CYP2J2: variants seen among roughly 807,000 people sequenced by gnomAD.
CYP2J2 encodes the protein cytochrome P450 2J2.
CYP2J2 carries 41 observed loss-of-function variants against 48.8 expected under a neutral mutation model. The observed-to-expected ratio is 0.84, with a 90% confidence interval of 0.66 to 1.09. The LOEUF is 1.09. Among genes scored for constraint, CYP2J2 ranks in the 50% least tolerant of loss-of-function variants. CYP2J2 has a pLI of 0.00. For missense variants in CYP2J2, 644 were observed against 617.3 expected (o/e 1.04, Z -0.46); for synonymous variants, 221 against 227.1 (o/e 0.97, Z 0.24).
chr1:59,900,245 C>A (rs1257564032), intron 8 of CYP2J2, among the ~76,000 whole-genome samples: 2 of 152,192 alleles, frequency 1.3e-5, no homozygotes, highest in African/African-American at 2.4e-5. Context: ...TTCCCCTTGT[C>A]CCTCTCTATC....
chr1:59,951,912 C>A, the CYP2J2 span, among the ~76,000 whole-genome samples: 1 of 152,184 alleles, frequency 6.6e-6, no homozygotes, highest in African/African-American at 2.4e-5. Context: ...TTAATCAAAT[C>A]TCCTACCCCA....
intron 4 of CYP2J2, among the ~76,000 whole-genome samples, chr1:59,910,782 G>A (rs901898659): frequency 2.0e-5 from 3 of 152,050 alleles, no homozygotes; most frequent in African/African-American, 7.2e-5. Flanking sequence ...TCCCAGAAAT[G>A]TCTTCCAAAT....
At chr1:59,945,297 A>AT in the CYP2J2 span, among the ~76,000 whole-genome samples, 41 of 148,818 alleles carry the variant, frequency 2.8e-4, no homozygotes, top group Admixed American at 7.4e-4. Flanking sequence ...ATCTAACTTC[A>AT]TTTTTTTTTT....
chr1:59,945,460 ATCTG>A, the CYP2J2 span, among the ~76,000 whole-genome samples: 2 of 152,160 alleles, frequency 1.3e-5, no homozygotes, highest in African/African-American at 2.4e-5. Flanking sequence ...CTATCTATGT[ATCTG>A]TCTATCTACT....
At chr1:59,903,891 C>T (rs1470143310) in intron 7 of CYP2J2, among the ~76,000 whole-genome samples, 4 of 152,166 alleles carry the variant, frequency 2.6e-5, no homozygotes, top group Non-Finnish European at 4.4e-5. Context: ...GCCTTGACTT[C>T]GCAATCCATA....
chr1:59,906,396 G>A (rs1454636007), intron 6 of CYP2J2, among the ~76,000 whole-genome samples: 1 of 151,910 alleles, frequency 6.6e-6, no homozygotes, highest in Non-Finnish European at 1.5e-5. Context: ...TCACAACAGA[G>A]CAACAAGTTG....
the CYP2J2 span, among the ~76,000 whole-genome samples, chr1:59,959,593 T>C: frequency 6.6e-6 from 1 of 151,958 alleles, no homozygotes; most frequent in Non-Finnish European, 1.5e-5. Context: ...TATGTATGTG[T>C]ATATATGTGC....
the CYP2J2 span, among the ~76,000 whole-genome samples, chr1:59,951,084 G>T: frequency 6.6e-6 from 1 of 152,150 alleles, no homozygotes; most frequent in Non-Finnish European, 1.5e-5. Flanking sequence ...AGCATGGGAG[G>T]AATTGTGGCC....
chr1:59,893,830 C>T lies in CYP2J2; in HGVS notation c.1331-1G>A. 6.3e-7 allele frequency: 1 copy of T among 1,596,628 alleles called. No individual in the cohort carries two copies. The highest frequency in any genetic ancestry group is 8.5e-7 in the Non-Finnish European group (1 of 1,172,116). On this transcript the variant is annotated splice_acceptor_variant, in intron 8 of 8. Coordinates refer to ENST00000371204, the MANE Select transcript of CYP2J2 (RefSeq NM_000775.4). LOFTEE classifies it high-confidence loss of function. ...TGTTCTCCGAGGCATGCCCGCTTTCCTGTAAGACAAAATCAAAAGACGGGT... is the reference window on the plus strand; with the variant it reads ...TGTTCTCCGAGGCATGCCCGCTTTCTTGTAAGACAAAATCAAAAGACGGGT...
intron 7 of CYP2J2, among the ~76,000 whole-genome samples, chr1:59,902,400 A>C (rs1644327735): frequency 6.6e-6 from 1 of 152,044 alleles, no homozygotes; most frequent in Non-Finnish European, 1.5e-5. Context: ...CAAGGAATTA[A>C]TATCAATGAT....
At chr1:59,944,380 G>A in the CYP2J2 span, among the ~76,000 whole-genome samples, 25 of 152,252 alleles carry the variant, frequency 1.6e-4, no homozygotes, top group African/African-American at 5.8e-4. Flanking sequence ...GCGCCACCAC[G>A]GCTGGTTAAT....
chr1:59,903,997 G>C (rs1390069579), intron 7 of CYP2J2, among the ~76,000 whole-genome samples: 1 of 152,182 alleles, frequency 6.6e-6, no homozygotes, highest in Non-Finnish European at 1.5e-5. Context: ...CATAATCATT[G>C]CTTAATACAT....
At chr1:59,897,138 A>G (rs553082488) in intron 8 of CYP2J2, among the ~76,000 whole-genome samples, 1 of 152,298 alleles carries the variant, frequency 6.6e-6, no homozygotes, top group Non-Finnish European at 1.5e-5. Flanking sequence ...TGTCTAATTC[A>G]TCTCGGTTCC....
At chr1:59,920,206 C>T (rs1400310106) in intron 1 of CYP2J2, among the ~76,000 whole-genome samples, 1 of 150,898 alleles carries the variant, frequency 6.6e-6, no homozygotes, top group Non-Finnish European at 1.5e-5. Flanking sequence ...AACCCCCAAA[C>T]CACAATGATA....
At chr1:59,917,403 C>G (rs1005579420) in intron 1 of CYP2J2, among the ~76,000 whole-genome samples, 2 of 152,182 alleles carry the variant, frequency 1.3e-5, no homozygotes, top group Admixed American at 6.5e-5. Context: ...CTCACAACCA[C>G]CTTACAGTAG....
At chr1:59,959,127 T>G in the CYP2J2 span, among the ~76,000 whole-genome samples, 42 of 152,300 alleles carry the variant, frequency 2.8e-4, no homozygotes, top group African/African-American at 9.4e-4. Context: ...CCCTTGTCCT[T>G]TGCATGATTA....
chr1:59,953,864 C>A, the CYP2J2 span, among the ~76,000 whole-genome samples: 3 of 151,932 alleles, frequency 2.0e-5, no homozygotes, highest in African/African-American at 7.3e-5. Context: ...AGATTTTAGG[C>A]CATAGTAAGG....
At chr1:59,908,925 G>T (rs532204028) in intron 5 of CYP2J2, among the ~76,000 whole-genome samples, 7 of 152,296 alleles carry the variant, frequency 4.6e-5, no homozygotes, top group African/African-American at 1.7e-4. Flanking sequence ...TTAAACTCTG[G>T]CATCCAACTC....
intron 8 of CYP2J2, among the ~76,000 whole-genome samples, chr1:59,898,360 G>A (rs1409447383): frequency 6.6e-6 from 1 of 152,164 alleles, no homozygotes; most frequent in Non-Finnish European, 1.5e-5. Flanking sequence ...GCTTGCTGGA[G>A]GATGAGGGAT....
Sources: allele counts gnomAD v4.1 joint callset (sites outside exome capture counted in the v4.1 genomes callset), GRCh38; gene constraint gnomAD v4.1.1; transcripts MANE v1.5; gene names NCBI Gene and HGNC (gene_info 2026-07-23, HGNC 2026-07-21).